Variants in HPSE2 observed in about 807,000 individuals in gnomAD.
HPSE2 encodes heparanase 2 (inactive).
In HPSE2, 38 loss-of-function variants were observed where a neutral mutation model predicts 60.5. The observed-to-expected ratio is 0.63, with a 90% CI of 0.48 to 0.82. The LOEUF (loss-of-function observed/expected upper bound fraction) is 0.82, where lower values mean the gene tolerates loss of function less well. Ranked by LOEUF, HPSE2 falls within the 40% of genes least tolerant of loss-of-function variation. The pLI is 0.00. For missense variants in HPSE2, 713 were observed against 740.4 expected (o/e 0.96, Z 0.43); for synonymous variants, 295 against 293.2 (o/e 1.01, Z -0.06).
At chr10:98,526,479 G>A (rs974663902) in intron 9 of HPSE2, among the ~76,000 whole-genome samples, 3 of 152,148 alleles carry the variant, frequency 2.0e-5, no homozygotes, top group African/African-American at 7.2e-5. Flanking sequence ...ATAAAGTTTA[G>A]CACTAGTTAT....
intron 3 of HPSE2, among the ~76,000 whole-genome samples, chr10:99,083,312 T>C (rs1367001383): frequency 6.6e-6 from 1 of 152,224 alleles, no homozygotes; most frequent in Non-Finnish European, 1.5e-5. Context: ...TCTCCTACTC[T>C]ATAGACTTTC....
chr10:99,290,090 T>C, the HPSE2 span, among the ~76,000 whole-genome samples: 7 of 152,300 alleles, frequency 4.6e-5, no homozygotes, highest in East Asian at 1.2e-3. Flanking sequence ...AACCTATAGA[T>C]TGTTTAAATT....
chr10:98,614,928 C>G lies in HPSE2; in HGVS notation c.1296G>C (p.Val432=). The G allele has an allele frequency of 1.9e-6, 3 of 1,613,408 alleles. No individual in the cohort carries two copies. The Admixed American group carries it at 5.0e-5, about 27-fold the overall frequency. The stretch of plus-strand genomic sequence containing the variant: ...CTGGTAATGGGTTAAAATTCTGGTC[C>G]ACGAGGTGATTGTATCCATGGTCAA... The part of the protein sequence containing the change: ...SFFDHGYNHL[V]DQNFNPLPDY... Residue 432 remains valine (V), a synonymous_variant, in exon 9 of 12, where the codon GTG becomes GTC. Transcript: ENST00000370552.
intron 3 of HPSE2, among the ~76,000 whole-genome samples, chr10:98,980,131 G>C (rs556825232): frequency 6.6e-6 from 1 of 152,044 alleles, no homozygotes; most frequent in Non-Finnish European, 1.5e-5. Context: ...GCTAAAACCC[G>C]AACTTTGCTA....
At chr10:99,048,355 G>A in intron 3 of HPSE2, 1 of 278,006 alleles carries the variant, frequency 3.6e-6, no homozygotes, top group Non-Finnish European at 6.9e-6. Context: ...AATAGTACCT[G>A]CTCTCAAACT....
intron 3 of HPSE2, among the ~76,000 whole-genome samples, chr10:98,897,546 A>T (rs1303191456): frequency 6.6e-6 from 1 of 152,148 alleles, no homozygotes; most frequent in Non-Finnish European, 1.5e-5. Flanking sequence ...CCAGAAAATG[A>T]CATACAAATA....
intron 9 of HPSE2, among the ~76,000 whole-genome samples, chr10:98,600,792 GTATA>G (rs1199577777): frequency 1.4e-4 from 8 of 58,266 alleles, no homozygotes; most frequent in Non-Finnish European, 4.4e-4. Context: ...AAACATGTAT[GTATA>G]TATACACGTG....
intron 3 of HPSE2, among the ~76,000 whole-genome samples, chr10:99,007,248 T>C (rs1011112168): frequency 3.3e-5 from 5 of 152,076 alleles, no homozygotes; most frequent in Admixed American, 1.3e-4. Flanking sequence ...CATACCAGCC[T>C]GGAGTCTGGG....
chr10:99,244,423 T>TATTATTA, the HPSE2 span, among the ~76,000 whole-genome samples: 1 of 142,380 alleles, frequency 7.0e-6, no homozygotes, highest in African/African-American at 2.6e-5. Flanking sequence ...TTATTATTAT[T>TATTATTA]TGAGACACGG....
At chr10:99,279,021 C>CA in the HPSE2 span, among the ~76,000 whole-genome samples, 1 of 152,052 alleles carries the variant, frequency 6.6e-6, no homozygotes, top group Admixed American at 6.6e-5. Flanking sequence ...ACTAAGTCAT[C>CA]AAAATCACAA....
chr10:98,522,650 G>A (rs1277785904), intron 9 of HPSE2, among the ~76,000 whole-genome samples: 1 of 152,014 alleles, frequency 6.6e-6, no homozygotes, highest in Non-Finnish European at 1.5e-5. Context: ...AATTTTTTTG[G>A]ATTTTTTAGT....
intron 3 of HPSE2, among the ~76,000 whole-genome samples, chr10:98,981,946 T>C (rs1956217187): frequency 6.6e-6 from 1 of 152,124 alleles, no homozygotes. Context: ...ACTGGCCTCT[T>C]TTTCTTAAAC....
the HPSE2 span, among the ~76,000 whole-genome samples, chr10:99,252,327 T>C: frequency 6.6e-6 from 1 of 151,604 alleles, no homozygotes; most frequent in Non-Finnish European, 1.5e-5. Context: ...AGAGCAATCA[T>C]CCAAGAGAAA....
the HPSE2 span, among the ~76,000 whole-genome samples, chr10:99,304,476 C>G: frequency 6.6e-6 from 1 of 152,242 alleles, no homozygotes; most frequent in African/African-American, 2.4e-5. Context: ...TCTTCTACCT[C>G]TGGCTTGCCC....
At chr10:98,759,165 T>C (rs1422990656) in intron 3 of HPSE2, among the ~76,000 whole-genome samples, 1 of 131,972 alleles carries the variant, frequency 7.6e-6, no homozygotes, top group Non-Finnish European at 1.7e-5. Flanking sequence ...AAGGGAAAAA[T>C]AGATACCAGG....
intron 9 of HPSE2, among the ~76,000 whole-genome samples, chr10:98,563,530 T>C (rs535293206): frequency 7.2e-5 from 11 of 152,290 alleles, no homozygotes; most frequent in African/African-American, 2.2e-4. Context: ...CATTGCATTG[T>C]ATCCTTTAAA....
chr10:99,298,237 C>T, the HPSE2 span, among the ~76,000 whole-genome samples: 1 of 152,230 alleles, frequency 6.6e-6, no homozygotes, highest in Non-Finnish European at 1.5e-5. Flanking sequence ...CATCTCTCTG[C>T]ACAACCCTCA....
chr10:99,132,160 A>G (rs1315353383), intron 3 of HPSE2, among the ~76,000 whole-genome samples: 3 of 5,022 alleles, frequency 6.0e-4, no homozygotes, highest in Admixed American at 3.9e-3. Flanking sequence ...AAAGAAAGAA[A>G]GAAAGAAAGA....
chr10:98,487,450 G>A (rs996489023), intron 10 of HPSE2, among the ~76,000 whole-genome samples: 8 of 152,234 alleles, frequency 5.3e-5, no homozygotes, highest in South Asian at 2.1e-4. Context: ...ATAGGCACTC[G>A]GCTGAATGAT....
Sources: gnomAD v4.1 joint callset for allele counts (sites outside exome capture counted in the v4.1 genomes callset) on GRCh38, gnomAD v4.1.1 for gene constraint, MANE v1.5 for transcripts, NCBI Gene and HGNC (gene_info 2026-07-23, HGNC 2026-07-21) for gene names.